The following GABRA2 variants were observed in gnomAD, a reference collection of about 807,000 sequenced individuals.
GABRA2 encodes the protein gamma-aminobutyric acid receptor subunit alpha-2.
A neutral mutation model predicts 48.7 loss-of-function variants in GABRA2; 16 were observed. That is an observed-to-expected ratio of 0.33 (90% CI 0.22 to 0.50). The LOEUF (loss-of-function observed/expected upper bound fraction) is 0.50. Ranked by LOEUF, GABRA2 falls within the 20% of genes least tolerant of loss-of-function variation. GABRA2 has a pLI of 0.98. For synonymous variants in GABRA2, 185 were observed against 184.5 expected (o/e 1.00, Z -0.02); for missense variants, 275 against 535.6 (o/e 0.51, Z 4.80).
chr4:46,324,946 A>G (rs1730090371), intron 4 of GABRA2, among the ~76,000 whole-genome samples: 1 of 151,780 alleles, frequency 6.6e-6, no homozygotes, highest in Non-Finnish European at 1.5e-5. Context: ...CACAGACCGC[A>G]TTTTCTTTAT....
chr4:46,310,126 C>T, intron 6 of GABRA2, 47 bp downstream of exon 6: 1 of 1,389,028 alleles, frequency 7.2e-7, no homozygotes, highest in Non-Finnish European at 1.0e-6. Context: ...TGCTGACTTT[C>T]CCTGATATTA....
intron 3 of GABRA2, among the ~76,000 whole-genome samples, chr4:46,333,396 T>C (rs907512204): frequency 1.3e-5 from 2 of 151,966 alleles, no homozygotes. Context: ...ATAAGCCAAA[T>C]AGTGATGGGG....
In GABRA2 at chr4:46,387,571, C is replaced by T. The variant is rs142721822; in HGVS notation, c.71+1065G>A. ...TTGCCTACTTAAGCTAATTTTAAAA[C>T]CAATAACTAAGATGTTCATAAAGTT... On this transcript the variant is annotated intron_variant, in intron 2 of 9. Transcript: ENST00000381620. Among the ~76,000 whole-genome samples the T allele has an allele frequency of 2.8e-3, 425 of 152,202 alleles. 5 individuals are homozygous for T. Among genetic ancestry groups the T allele is most frequent in the African/African-American group, 9.9e-3 (413 of 41,566 alleles).
Position 46,249,117 on chromosome 4 carries a change from T to A in GABRA2, c.*1191A>T, listed in dbSNP as rs1278579896. The A allele has an allele frequency of 6.6e-6, 1 of 150,770 alleles. No homozygotes were observed. Among genetic ancestry groups the A allele is most frequent in the Admixed American group, 6.7e-5 (1 of 15,014 alleles). The allele number at this position is 150,770 out of a possible 1,614,324, so 9.3% of individuals were successfully genotyped here. A position where few individuals can be genotyped will look rare whatever the true frequency, so the allele number is the denominator to read the frequency against. Reference sequence around the variant, plus strand: ...TATTGGTGATGTTTTAAAGTTGCAGTGTAAAAATGTTCAACCCTTACCAAA... The same window carrying A: ...TATTGGTGATGTTTTAAAGTTGCAGAGTAAAAATGTTCAACCCTTACCAAA... On this transcript the variant is annotated 3_prime_UTR_variant, in exon 10 of 10. Transcript: ENST00000381620.
rs78709436 is a variant in GABRA2 at position 46,279,322 on chromosome 4, T to C, written c.857-17194A>G. 7.3e-3 allele frequency among the ~76,000 whole-genome samples: 1,117 copies of C among 152,280 alleles called. 33 individuals are homozygous for C. Among genetic ancestry groups the C allele is most frequent in the Admixed American group, 0.049 (746 of 15,274 alleles). Reference sequence around the variant, plus strand: ...TGTTTACTTATCATCTGTGTATGAATGTATAAGCCAATTTATATTTATTTA... The same window carrying C: ...TGTTTACTTATCATCTGTGTATGAACGTATAAGCCAATTTATATTTATTTA... On this transcript the variant is annotated intron_variant, in intron 8 of 9. Coordinates refer to ENST00000381620, the MANE Select transcript of GABRA2 (RefSeq NM_000807.4).
chr4:46,380,184 A>G (rs925308744), intron 3 of GABRA2, among the ~76,000 whole-genome samples: 1 of 152,206 alleles, frequency 6.6e-6, no homozygotes, highest in Admixed American at 6.5e-5. Flanking sequence ...TTGCTTCTAT[A>G]GGCAAATTCA....
At chr4:46,267,863 G>A (rs1222481190) in intron 8 of GABRA2, among the ~76,000 whole-genome samples, 1 of 152,034 alleles carries the variant, frequency 6.6e-6, no homozygotes, top group African/African-American at 2.4e-5. Flanking sequence ...TGTTTCAAGT[G>A]CCAAGATGTC....
chr4:46,287,215 T>C (rs985764720), intron 8 of GABRA2, among the ~76,000 whole-genome samples: 3 of 152,178 alleles, frequency 2.0e-5, no homozygotes, highest in Non-Finnish European at 4.4e-5. Context: ...AAAGAGATTA[T>C]TCTTTCCCCA....
At position 46,374,111 on chromosome 4, in the gene GABRA2, T is replaced by C. The variant is rs142398852; in HGVS notation, c.187+11963A>G. Among the ~76,000 whole-genome samples the C allele has an allele frequency of 8.3e-3, 1,262 of 152,284 alleles. 8 individuals carry two copies. The highest frequency in any genetic ancestry group is 0.013 in the Non-Finnish European group (864 of 68,002). The stretch of plus-strand genomic sequence containing the variant: ...ATTTGTTCTATTTACCCTGATTCTC[T>C]GACTATTGCTAACTTACTGAATTCT... On this transcript the variant is annotated intron_variant, in intron 3 of 9. Transcript: ENST00000381620.
At chr4:46,314,193 C>T (rs1161866091) in intron 4 of GABRA2, among the ~76,000 whole-genome samples, 3 of 152,058 alleles carry the variant, frequency 2.0e-5, no homozygotes, top group Non-Finnish European at 4.4e-5. Context: ...GCAAGTTTCA[C>T]GTAAGTATTT....
intron 3 of GABRA2, among the ~76,000 whole-genome samples, chr4:46,356,644 G>T (rs1226755438): frequency 6.6e-6 from 1 of 152,146 alleles, no homozygotes; most frequent in Admixed American, 6.6e-5. Context: ...GGACAATCAG[G>T]AACTAATCTA....
intron 3 of GABRA2, among the ~76,000 whole-genome samples, chr4:46,339,246 A>T (rs1732788098): frequency 6.6e-6 from 1 of 151,910 alleles, no homozygotes; most frequent in Admixed American, 6.6e-5. Flanking sequence ...AACATTTAAA[A>T]TTTTGTTCCT....
chr4:46,325,943 T>C (rs1008213473), intron 4 of GABRA2, among the ~76,000 whole-genome samples: 1 of 151,986 alleles, frequency 6.6e-6, no homozygotes, highest in Non-Finnish European at 1.5e-5. Flanking sequence ...TATGTTTTTG[T>C]ACCAGTACCA....
chr4:46,262,136 A>G lies in GABRA2; in HGVS notation c.857-8T>C, dbSNP rs780711179. 5.6e-5 allele frequency: 90 copies of G among 1,612,790 alleles called. No homozygotes were observed. The highest frequency in any genetic ancestry group is 7.2e-5 in the Non-Finnish European group (85 of 1,179,164). On this transcript the variant is annotated splice_polypyrimidine_tract_variant and splice_region_variant and intron_variant, in intron 8 of 9. Coordinates refer to ENST00000381620, the MANE Select transcript of GABRA2 (RefSeq NM_000807.4). ...TTAGGACAGTTGTTACTCCTGCAAA[A>G]GAAAAGATAGGAATCGAAAACATCA...
chr4:46,328,971 A>G (rs1273991721), intron 4 of GABRA2, among the ~76,000 whole-genome samples: 1 of 152,058 alleles, frequency 6.6e-6, no homozygotes, highest in African/African-American at 2.4e-5. Context: ...ATCTTCCCTA[A>G]TAGACTTACA....
At chr4:46,373,865 C>G (rs937986637) in intron 3 of GABRA2, among the ~76,000 whole-genome samples, 4 of 152,068 alleles carry the variant, frequency 2.6e-5, no homozygotes, top group African/African-American at 9.7e-5. Flanking sequence ...GAATGATTAC[C>G]CTTACATGCC....
intron 1 of GABRA2, chr4:46,389,085 G>A: frequency 9.8e-7 from 1 of 1,016,318 alleles, no homozygotes; most frequent in East Asian, 9.5e-5. Context: ...CAGCTGGAAA[G>A]GGAATGGGTT....
intron 3 of GABRA2, among the ~76,000 whole-genome samples, chr4:46,380,702 T>A (rs1716645780): frequency 6.6e-6 from 1 of 152,158 alleles, no homozygotes; most frequent in African/African-American, 2.4e-5. Context: ...CAGGTACTGA[T>A]CTTAACCATT....
At chr4:46,348,845 C>T (rs1051915624) in intron 3 of GABRA2, among the ~76,000 whole-genome samples, 4 of 151,344 alleles carry the variant, frequency 2.6e-5, no homozygotes, top group East Asian at 2.0e-4. Context: ...TTAATGGGTG[C>T]GGCACACCAA....
Sources: gnomAD v4.1 joint callset for allele counts (sites outside exome capture counted in the v4.1 genomes callset) on GRCh38, gnomAD v4.1.1 for gene constraint, MANE v1.5 for transcripts, NCBI Gene and HGNC (gene_info 2026-07-23, HGNC 2026-07-21) for gene names.